Variants in EVI5L observed in about 807,000 individuals in gnomAD.
EVI5L encodes ecotropic viral integration site 5 like, also known as EVI5-like protein.
In EVI5L, 30 loss-of-function variants were observed where a neutral mutation model predicts 106.1. That is an observed-to-expected ratio of 0.28 (90% CI 0.21 to 0.38). The LOEUF is 0.38. EVI5L is among the 10% of genes least tolerant of loss of function. The probability of loss-of-function intolerance (pLI) is 1.00; values close to 1 mark genes in which losing one functional copy is unlikely to be tolerated. For missense variants in EVI5L, 809 were observed against 1,098.0 expected (o/e 0.74, Z 3.72); for synonymous variants, 489 against 483.3 (o/e 1.01, Z -0.15).
rs1355187277 is a variant in EVI5L at position 7,846,642 on chromosome 19, G to A, written c.100G>A (p.Glu34Lys). Residue 34 changes from glutamate to lysine, a missense_variant, in exon 2 of 20, where the codon GAG (glutamate) becomes AAG (lysine). Physicochemically the swap from Glu to Lys is moderately conservative, Grantham distance 56. Transcript: ENST00000538904. ...TGACTCCGAGAACCTCAGCCCCGATGAGCTGGAGCTGCTGGCCAAGCTCGA... is the reference window on the plus strand; with the variant it reads ...TGACTCCGAGAACCTCAGCCCCGATAAGCTGGAGCTGCTGGCCAAGCTCGA... ...TSDSENLSPD[E>K]LELLAKLEEQ... 4 of 1,613,604 alleles carry A rather than the reference G, an allele frequency of 2.5e-6. No homozygotes were observed. The highest frequency in any genetic ancestry group is 2.5e-6 in the Non-Finnish European group (3 of 1,179,904).
intron 10 of EVI5L, chr19:7,853,653 G>A: frequency 2.5e-6 from 1 of 393,502 alleles, no homozygotes; most frequent in Non-Finnish European, 4.7e-6. Flanking sequence ...GGATGTGCAC[G>A]CGGTGGGCAA....
At chr19:7,841,423 G>C (rs963332235) in intron 1 of EVI5L, among the ~76,000 whole-genome samples, 2 of 152,018 alleles carry the variant, frequency 1.3e-5, no homozygotes, top group Non-Finnish European at 2.9e-5. Flanking sequence ...GTGGGAGGGG[G>C]CTTAGGGAAG....
Position 7,850,130 on chromosome 19 carries a change from G to A in EVI5L, c.753+8G>A, listed in dbSNP as rs765209807. On this transcript the variant is annotated splice_region_variant and intron_variant, in intron 6 of 19. Coordinates refer to ENST00000538904, the MANE Select transcript of EVI5L (RefSeq NM_001159944.3). The surrounding 1 kb of genome is among the most constrained non-coding windows in gnomAD (Gnocchi z 5.4). ...TTCGAGTACATGCTGCAGGTGAGCA[G>A]GGCCGCAGGAGAGCAGGGCTGCAGG... The A allele has an allele frequency of 3.1e-6, 5 of 1,600,114 alleles. No individual in the cohort carries two copies. The South Asian group carries it at 5.6e-5, about 18-fold the overall frequency.
intron 17 of EVI5L, among the ~76,000 whole-genome samples, chr19:7,862,737 A>ACCCCC (rs1410815818): frequency 2.6e-4 from 6 of 23,284 alleles, no homozygotes; most frequent in Admixed American, 4.9e-4. Context: ...CCGCCTCCTG[A>ACCCCC]CCACCCCCCC....
rs989562663 is a variant in EVI5L at position 7,862,214 on chromosome 19, C to G, written c.1737C>G (p.Arg579=). The change falls in exon 16 of 20, where the codon CGC becomes CGG. Residue 579 remains arginine (R), a synonymous_variant. Transcript: ENST00000538904. ...LQDELMSVRL[R]EAQALAEGRE... ...ACGAGCTGATGAGCGTGCGTCTGCG[C>G]GAGGCCCAGGCCCTGGCCGAGGGCC... is the stretch of plus-strand genomic sequence containing the variant. 6.4e-7 allele frequency: 1 copy of G among 1,572,782 alleles called. No homozygotes were observed. The highest frequency in any genetic ancestry group is 8.6e-7 in the Non-Finnish European group (1 of 1,161,308).
chr19:7,847,695 A>G (rs1329728273), intron 2 of EVI5L, 37 bp from the exon 3 acceptor site: 3 of 1,598,042 alleles, frequency 1.9e-6, no homozygotes, highest in African/African-American at 1.3e-5. Context: ...GTCCCCAGGG[A>G]GTCACTGGTT....
chr19:7,855,168 G>A (rs1339720231), intron 10 of EVI5L, among the ~76,000 whole-genome samples: 1 of 147,376 alleles, frequency 6.8e-6, no homozygotes, highest in East Asian at 2.0e-4. Flanking sequence ...CCAGGCTGCA[G>A]TGCAGTGAGG....
chr19:7,833,883 T>G (rs1471638268), intron 1 of EVI5L, among the ~76,000 whole-genome samples: 1 of 151,834 alleles, frequency 6.6e-6, no homozygotes, highest in Non-Finnish European at 1.5e-5. Flanking sequence ...AGGAGGTGAG[T>G]TTAGGAGAAC....
chr19:7,830,528 T>C (rs490344), intron 1 of EVI5L, 147 bp downstream of exon 1: 121,946 of 150,648 alleles, frequency 0.81, 49,813 homozygotes, highest in South Asian at 0.87. Flanking sequence ...GCCCGGGACC[T>C]TCGGAGGACC....
In EVI5L at chr19:7,842,242, G is replaced by A. The variant is rs528583382; in HGVS notation, c.-47-4254G>A. Among the ~76,000 whole-genome samples, 6 of 151,590 alleles carry A rather than the reference G, an allele frequency of 4.0e-5. No homozygotes were observed. In the East Asian group the frequency reaches 1.2e-3, roughly 29 times the overall value. ...TGTGTGAATATGCATAGGTGTGTGT[G>A]CATCAAGTGTGTGCATGTGTACATG... is the stretch of plus-strand genomic sequence containing the variant. On this transcript the variant is annotated intron_variant, in intron 1 of 19. Coordinates refer to ENST00000538904, the MANE Select transcript of EVI5L (RefSeq NM_001159944.3).
rs652260 is a variant in EVI5L at position 7,835,676 on chromosome 19, C to T, written c.-48+5295C>T. Among the ~76,000 whole-genome samples the T allele has an allele frequency of 0.57, 86,915 of 151,902 alleles. 25,075 individuals carry two copies. The highest frequency in any genetic ancestry group is 0.77 in the South Asian group (3,716 of 4,816). On this transcript the variant is annotated intron_variant, in intron 1 of 19. Coordinates refer to ENST00000538904, the MANE Select transcript of EVI5L (RefSeq NM_001159944.3). This position sits in a 1 kb window ranked among gnomAD's most constrained non-coding sequence, Gnocchi z 4.1. ...CATGTGGAGGAGCAGCTAGACTGGG[C>T]GCAAGAAGAGATCAGGCAGGGACCT...
At position 7,863,099 on chromosome 19, in the gene EVI5L, G is replaced by A. The variant is rs748925436; in HGVS notation, c.2043+32G>A. On this transcript the variant is annotated intron_variant, in intron 18 of 19. Transcript: ENST00000538904. This position sits in a 1 kb window ranked among gnomAD's most constrained non-coding sequence, Gnocchi z 7.7. The stretch of plus-strand genomic sequence containing the variant: ...GGCGGGGCCGGGGTCGGGGGGCGGG[G>A]GCGGGGGCAGGGCCCGGGGCAGGAG... 6 of 707,566 alleles carry A rather than the reference G, an allele frequency of 8.5e-6. No homozygotes were observed. Among genetic ancestry groups the A allele is most frequent in the South Asian group, 6.2e-5 (4 of 64,352 alleles). 43.8% of individuals were successfully genotyped at this position (707,566 alleles called of 1,614,324 possible). A position where few individuals can be genotyped will look rare whatever the true frequency, so the allele number is the denominator to read the frequency against.
intron 1 of EVI5L, among the ~76,000 whole-genome samples, chr19:7,839,003 A>T (rs888276569): frequency 5.8e-5 from 6 of 103,852 alleles, no homozygotes; most frequent in African/African-American, 1.6e-4. Flanking sequence ...CTCTAAAAAG[A>T]AAAAAAAAAA....
intron 14 of EVI5L, among the ~76,000 whole-genome samples, 195 bp from the exon 15 acceptor site, chr19:7,861,683 T>C (rs1172426807): frequency 6.6e-6 from 1 of 151,952 alleles, no homozygotes. Flanking sequence ...CTACACCCAT[T>C]TTATAGCTGA....
rs780800302 is a variant in EVI5L, at chr19:7,850,142, AGCAGGGCTGCAGGAGG to A, written c.753+28_753+43del. 1.3e-5 allele frequency: 21 copies of A among 1,594,776 alleles called. No homozygotes were observed. The Admixed American group carries it at 3.7e-4, about 28-fold the overall frequency. ...CTGCAGGTGAGCAGGGCCGCAGGAG[AGCAGGGCTGCAGGAGG>A]GCAGGGCCACAGGTGGGCAGGGCCG... On this transcript the variant is annotated intron_variant, in intron 6 of 19. Transcript: ENST00000538904. This position sits in a 1 kb window ranked among gnomAD's most constrained non-coding sequence, Gnocchi z 5.4.
chr19:7,846,455 G>A, intron 1 of EVI5L, 41 bp from the exon 2 acceptor site: 3 of 1,489,172 alleles, frequency 2.0e-6, no homozygotes, highest in Non-Finnish European at 2.7e-6. Flanking sequence ...GATGGAGTGG[G>A]CTCCCACCCA....
At chr19:7,844,221 C>T (rs1214302451) in intron 1 of EVI5L, among the ~76,000 whole-genome samples, 1 of 150,938 alleles carries the variant, frequency 6.6e-6, no homozygotes, top group East Asian at 1.9e-4. Flanking sequence ...CGTGGTGGCA[C>T]GCACCTGTAA....
chr19:7,853,292 G>A lies in EVI5L; in HGVS notation c.1105G>A (p.Ala369Thr), dbSNP rs1979351599. ...KMKRLEKEYA[A>T]MKSKEMEEQI... ...CTGCAGGCTGGAGAAGGAGTACGCA[G>A]CCATGAAGAGCAAGGAGATGGAGGA... Residue 369 changes from alanine (A) to threonine (T), a missense_variant, in exon 10 of 20, where the codon GCC (alanine) becomes ACC (threonine). Physicochemically the swap from Ala to Thr is moderately conservative, Grantham distance 58. This residue lies in a region of EVI5L where 357 missense variants were observed against 588.1 expected (regional missense o/e 0.61). Coordinates refer to ENST00000538904, the MANE Select transcript of EVI5L (RefSeq NM_001159944.3). 6.2e-7 allele frequency: 1 copy of A among 1,613,570 alleles called. No homozygotes were observed. Among genetic ancestry groups the A allele is most frequent in the South Asian group, 1.1e-5 (1 of 91,074 alleles).
In EVI5L at chr19:7,857,529, G is replaced by A. The variant is rs557844295; in HGVS notation, c.1233+405G>A. On this transcript the variant is annotated intron_variant, in intron 12 of 19. Coordinates refer to ENST00000538904, the MANE Select transcript of EVI5L (RefSeq NM_001159944.3). The surrounding 1 kb of genome is among the most constrained non-coding windows in gnomAD (Gnocchi z 4.5). ...ACGCACACACACGCCCGGCCCTCAC[G>A]CTGCTGCTCTCTGCTCCTACCTGCA... The A allele has an allele frequency of 6.7e-6, 2 of 299,384 alleles. No homozygotes were observed. Among genetic ancestry groups the A allele is most frequent in the Non-Finnish European group, 1.3e-5 (2 of 157,850 alleles). The allele number at this position is 299,384 out of a possible 1,614,324, so 18.5% of individuals were successfully genotyped here.
Sources: allele counts gnomAD v4.1 joint callset (sites outside exome capture counted in the v4.1 genomes callset), GRCh38; gene constraint gnomAD v4.1.1; regional missense constraint gnomAD v4.1.1; non-coding constraint Gnocchi (gnomAD v3.1); transcripts MANE v1.5; gene names NCBI Gene and HGNC (gene_info 2026-07-23, HGNC 2026-07-21).